Variants in ITPR1 observed in about 807,000 individuals in gnomAD.
ITPR1 encodes inositol 1,4,5-trisphosphate receptor type 1, also known as inositol 1,4,5-trisphosphate-gated calcium channel ITPR1.
A neutral mutation model predicts 318.4 loss-of-function variants in ITPR1; 96 were observed. That is an observed-to-expected ratio of 0.30 (90% CI 0.26 to 0.36). The LOEUF is 0.36. ITPR1 is among the 10% of genes least tolerant of loss of function. The probability of loss-of-function intolerance (pLI) is 1.00; values close to 1 mark genes in which losing one functional copy is unlikely to be tolerated. For missense variants in ITPR1, 2,440 were observed against 3,460.2 expected (o/e 0.71, Z 7.40); for synonymous variants, 1,312 against 1,289.9 (o/e 1.02, Z -0.37).
intron 54 of ITPR1, among the ~76,000 whole-genome samples, chr3:4,801,763 C>CA (rs1406733287): frequency 6.6e-6 from 1 of 151,458 alleles, no homozygotes; most frequent in Non-Finnish European, 1.5e-5. Flanking sequence ...GACTCCATCT[C>CA]AAAAATAAAT....
chr3:4,692,409 T>C (rs968446050), intron 32 of ITPR1, among the ~76,000 whole-genome samples: 4 of 152,242 alleles, frequency 2.6e-5, no homozygotes, highest in Non-Finnish European at 4.4e-5. Flanking sequence ...TAATAAATTA[T>C]TTAATCTACA....
rs1416583377 is a variant in ITPR1, at chr3:4,639,656, ATC to A, written c.366+191_366+192del. Among the ~76,000 whole-genome samples, 3 of 152,160 alleles carry A rather than the reference ATC, an allele frequency of 2.0e-5. No individual in the cohort carries two copies. The South Asian group carries it at 6.2e-4, about 32-fold the overall frequency. ...GACTCTTTGGGCTATTCTGCTGGTC[ATC>A]TCTCAGCGTGAGCATCTACTTCTCT... On this transcript the variant is annotated intron_variant, in intron 6 of 61. Transcript: ENST00000649015.
Position 4,665,124 on chromosome 3 carries a change from A to G in ITPR1, c.1555-14A>G, listed in dbSNP as rs1220958383. 1 of 1,613,882 alleles carries G rather than the reference A, an allele frequency of 6.2e-7. No individual in the cohort carries two copies. The highest frequency in any genetic ancestry group is 1.7e-5 in the Admixed American group (1 of 60,022). On this transcript the variant is annotated splice_polypyrimidine_tract_variant and intron_variant, in intron 16 of 61. Transcript: ENST00000649015. ...TAAGTGATTGCCATTTTTGCTTTTC[A>G]TTTTCACAAACAGATCTTCAAGTTG...
rs2093973950 is a variant in ITPR1 at position 4,667,371 on chromosome 3, A to T, written c.1714-6A>T. 10 of 1,596,160 alleles carry T rather than the reference A, an allele frequency of 6.3e-6. No homozygotes were observed. Among genetic ancestry groups the T allele is most frequent in the Non-Finnish European group, 8.5e-6 (10 of 1,169,698 alleles). ...CTACTGACGTCTCTTTTCTCTCCTTATAAAGGAGTATATAGCCAAGCAGTT... is the reference window on the plus strand; with the variant it reads ...CTACTGACGTCTCTTTTCTCTCCTTTTAAAGGAGTATATAGCCAAGCAGTT... On this transcript the variant is annotated splice_region_variant and splice_polypyrimidine_tract_variant and intron_variant, in intron 17 of 61. Transcript: ENST00000649015.
At chr3:4,573,144 A>T (rs886881737) in intron 4 of ITPR1, among the ~76,000 whole-genome samples, 1 of 151,864 alleles carries the variant, frequency 6.6e-6, no homozygotes, top group Non-Finnish European at 1.5e-5. Flanking sequence ...TCTACTTTTG[A>T]TTTTTTGAGG....
intron 4 of ITPR1, among the ~76,000 whole-genome samples, chr3:4,598,448 C>T (rs1457519344): frequency 2.0e-5 from 3 of 151,928 alleles, no homozygotes; most frequent in Admixed American, 6.6e-5. Context: ...AGTGAGACCC[C>T]GTCTCTACAA....
intron 1 of ITPR1, among the ~76,000 whole-genome samples, chr3:4,493,826 C>G (rs1559333632): frequency 6.6e-6 from 1 of 151,194 alleles, no homozygotes; most frequent in Non-Finnish European, 1.5e-5. Context: ...GCTCCCCATT[C>G]TGGTCTGATG....
rs146818336 is a variant in ITPR1, at chr3:4,667,354, G to A, written c.1714-23G>A. 1.4e-4 allele frequency: 220 copies of A among 1,567,506 alleles called. No homozygotes were observed. The Middle Eastern group carries it at 5.5e-3, about 39-fold the overall frequency. On this transcript the variant is annotated intron_variant, in intron 17 of 61. Transcript: ENST00000649015. Reference sequence around the variant, plus strand: ...ATTGTCATTTATCCTTCCTACTGACGTCTCTTTTCTCTCCTTATAAAGGAG... The same window carrying A: ...ATTGTCATTTATCCTTCCTACTGACATCTCTTTTCTCTCCTTATAAAGGAG...
At chr3:4,844,004 A>G (rs1399679701) in intron 61 of ITPR1, among the ~76,000 whole-genome samples, 1 of 152,178 alleles carries the variant, frequency 6.6e-6, no homozygotes, top group East Asian at 1.9e-4. Context: ...AAGCAAAATT[A>G]CAGGGGAAAA....
At chr3:4,523,294 C>T (rs2082707084) in intron 4 of ITPR1, among the ~76,000 whole-genome samples, 1 of 152,080 alleles carries the variant, frequency 6.6e-6, no homozygotes, top group African/African-American at 2.4e-5. Context: ...TTTACAAATA[C>T]ATGCACATAA....
In ITPR1 at chr3:4,527,110, C is replaced by T. The variant is rs151246568; in HGVS notation, c.163+6016C>T. Among the ~76,000 whole-genome samples, 4 of 152,260 alleles carry T rather than the reference C, an allele frequency of 2.6e-5. No homozygotes were observed. In the East Asian group the frequency reaches 7.7e-4, roughly 29 times the overall value. ...TGAGATGACAAGTTATGAGCTGGTC[C>T]AGTGCCATGTGACTTATGAGTGTCG... On this transcript the variant is annotated intron_variant, in intron 4 of 61. Transcript: ENST00000649015.
chr3:4,622,168 G>A (rs192986306), intron 4 of ITPR1, among the ~76,000 whole-genome samples: 3 of 145,372 alleles, frequency 2.1e-5, no homozygotes, highest in African/African-American at 7.7e-5. Context: ...AGGCTGGAGT[G>A]CAGTGGCGTG....
chr3:4,724,275 G>A (rs1399359531), intron 40 of ITPR1: 1 of 152,128 alleles, frequency 6.6e-6, no homozygotes, highest in African/African-American at 2.4e-5. Context: ...TTCTCTGTTG[G>A]GAAATAGACA....
intron 36 of ITPR1, among the ~76,000 whole-genome samples, chr3:4,705,598 GTCC>G (rs1301272097): frequency 3.3e-5 from 5 of 152,212 alleles, no homozygotes; most frequent in African/African-American, 1.2e-4. Context: ...CTAGTCAGGA[GTCC>G]TGTAGAGTGT....
chr3:4,575,373 G>A (rs1050107923), intron 4 of ITPR1, among the ~76,000 whole-genome samples: 6 of 152,154 alleles, frequency 3.9e-5, no homozygotes, highest in Admixed American at 1.3e-4. Context: ...GAGTAAATGG[G>A]TTCAATCCTG....
At chr3:4,765,187 A>C (rs2045737153) in intron 44 of ITPR1, among the ~76,000 whole-genome samples, 1 of 152,194 alleles carries the variant, frequency 6.6e-6, no homozygotes. Flanking sequence ...AAGGCTAAGC[A>C]TAGGGGAGGT....
intron 55 of ITPR1, among the ~76,000 whole-genome samples, chr3:4,806,528 C>A (rs1374015403): frequency 2.0e-5 from 3 of 152,176 alleles, no homozygotes; most frequent in African/African-American, 7.2e-5. Context: ...ATGGAACATG[C>A]CTGTAGTAGG....
chr3:4,775,065 A>C (rs187999329), intron 46 of ITPR1, among the ~76,000 whole-genome samples, 177 bp from the exon 47 acceptor site: 109 of 152,336 alleles, frequency 7.2e-4, no homozygotes, highest in African/African-American at 2.4e-3. Flanking sequence ...CCATACACCA[A>C]GTCCATGGGT....
chr3:4,636,137 G>A (rs2093182473), intron 5 of ITPR1, among the ~76,000 whole-genome samples: 2 of 151,708 alleles, frequency 1.3e-5, no homozygotes, highest in South Asian at 2.1e-4. Context: ...ATGAGCCACC[G>A]CGCCTAGCCC....
Sources: allele counts gnomAD v4.1 joint callset (sites outside exome capture counted in the v4.1 genomes callset), GRCh38; gene constraint gnomAD v4.1.1; transcripts MANE v1.5; gene names NCBI Gene and HGNC (gene_info 2026-07-23, HGNC 2026-07-21).